CTU2: variants seen among roughly 807,000 people sequenced by gnomAD.
CTU2 encodes cytosolic thiouridylase subunit 2.
In CTU2, 80 loss-of-function variants were observed where a neutral mutation model predicts 64.1. That is an observed-to-expected ratio of 1.25 (90% CI 1.04 to 1.50). The LOEUF (loss-of-function observed/expected upper bound fraction) is 1.50, where lower values mean the gene tolerates loss of function less well. Among genes scored for constraint, CTU2 ranks in the 40% most tolerant of loss-of-function variants. The probability of loss-of-function intolerance (pLI) is 0.00; values close to 1 mark genes in which losing one functional copy is unlikely to be tolerated. For synonymous variants in CTU2, 482 were observed against 285.3 expected (o/e 1.69, Z -6.95); for missense variants, 1,110 against 690.2 (o/e 1.61, Z -6.81).
At position 88,713,808 on chromosome 16, in the gene CTU2, C is replaced by T. The variant is rs199978057; in HGVS notation, c.1005+30C>T. 3.7e-4 allele frequency: 589 copies of T among 1,611,110 alleles called. 1 individual carries two copies. Among genetic ancestry groups the T allele is most frequent in the Non-Finnish European group, 4.8e-4 (561 of 1,179,042 alleles). ...GCCTTGTGGGCTGGGCAACCTCTCT[C>T]ACCATTGACACCGGGGTGGGCCATG... On this transcript the variant is annotated intron_variant, in intron 9 of 14. Coordinates refer to ENST00000453996, the MANE Select transcript of CTU2 (RefSeq NM_001012759.3).
At chr16:88,710,065 G>A in intron 3 of CTU2, 49 bp downstream of exon 3, 1 of 1,595,760 alleles carries the variant, frequency 6.3e-7, no homozygotes, top group Non-Finnish European at 8.6e-7. Context: ...GCCCCTCGAG[G>A]TCCCTGCTTG....
Position 88,714,467 on chromosome 16 carries a change from C to T in CTU2, c.1182C>T (p.Ala394=), listed in dbSNP as rs1245300491. The change falls in exon 11 of 15, where the codon GCC becomes GCT. Residue 394 remains alanine, a synonymous_variant. Coordinates refer to ENST00000453996, the MANE Select transcript of CTU2 (RefSeq NM_001012759.3). ...CCCGCTGCCTCCTCTGCATGTGTGC[C>T]CTGGACGTCGACGCCGCTGGTCTGT... The part of the protein sequence containing the change: ...SGPRCLLCMC[A]LDVDAADSAT... 4 of 1,612,482 alleles carry T rather than the reference C, an allele frequency of 2.5e-6. No homozygotes were observed. The highest frequency in any genetic ancestry group is 3.4e-6 in the Non-Finnish European group (4 of 1,179,870).
intron 2 of CTU2, 135 bp from the exon 3 acceptor site, chr16:88,709,802 TG>T: frequency 1.3e-6 from 1 of 793,672 alleles, no homozygotes; most frequent in Non-Finnish European, 2.1e-6. Context: ...CACCAGTCTC[TG>T]GACAGAGCCT....
intron 4 of CTU2, chr16:88,710,813 G>A (rs369099050): frequency 2.1e-4 from 34 of 161,048 alleles, no homozygotes; most frequent in Admixed American, 1.9e-4. Context: ...GAAGCAAAGG[G>A]AGCAGCGTTT....
At chr16:88,710,157 C>T (rs1911197212) in intron 3 of CTU2, 66 bp from the exon 4 acceptor site, 2 of 1,595,918 alleles carry the variant, frequency 1.3e-6, no homozygotes, top group African/African-American at 1.3e-5. Flanking sequence ...TCCTAGATGT[C>T]CACGAGGTGG....
rs749005582 is a variant in CTU2, at chr16:88,713,670, G to T, written c.897G>T (p.Gly299=). The T allele has an allele frequency of 6.2e-6, 10 of 1,612,438 alleles. No individual in the cohort carries two copies. The East Asian group carries it at 1.8e-4, about 29-fold the overall frequency. Residue 299 remains glycine (G), a synonymous_variant, in exon 9 of 15, where the codon GGG becomes GGT. Coordinates refer to ENST00000453996, the MANE Select transcript of CTU2 (RefSeq NM_001012759.3). ...AGGGCTTCTCGGATGAGCGGCACGGGGACGTGGTGGTGGTGCGGCCCATGC... is the reference window on the plus strand; with the variant it reads ...AGGGCTTCTCGGATGAGCGGCACGGTGACGTGGTGGTGGTGCGGCCCATGC... ...WDTGFSDERH[G]DVVVVRPMRD...
chr16:88,706,945 T>C (rs1482231987), intron 1 of CTU2, 191 bp from the exon 2 acceptor site: 4 of 606,850 alleles, frequency 6.6e-6, no homozygotes, highest in Non-Finnish European at 1.2e-5. Flanking sequence ...TTTTCTAGGC[T>C]AAACATCCCC....
chr16:88,707,291 T>C, intron 2 of CTU2, 81 bp downstream of exon 2: 1 of 1,277,770 alleles, frequency 7.8e-7, no homozygotes, highest in East Asian at 2.3e-5. Flanking sequence ...GATGCTTTGT[T>C]AATTCTTTTT....
chr16:88,712,786 C>G lies in CTU2; in HGVS notation c.618C>G (p.Pro206=). The G allele has an allele frequency of 1.2e-6, 2 of 1,607,982 alleles. No individual in the cohort carries two copies. Among genetic ancestry groups the G allele is most frequent in the Non-Finnish European group, 1.7e-6 (2 of 1,177,854 alleles). The change falls in exon 7 of 15, where the codon CCC becomes CCG. Residue 206 remains proline, a synonymous_variant. Coordinates refer to ENST00000453996, the MANE Select transcript of CTU2 (RefSeq NM_001012759.3). ...AAGGGGAGGAACAGCCACCCCAGCC[C>G]CCGCTGGACCCCCAGAACCTGGCAA... ...PTQGEEQPPQ[P]PLDPQNLARP... is the part of the protein sequence containing the mutation.
Position 88,715,379 on chromosome 16 carries a change from A to ATT in CTU2, c.*128_*129insTT. On this transcript the variant is annotated 3_prime_UTR_variant, in exon 15 of 15. Coordinates refer to ENST00000453996, the MANE Select transcript of CTU2 (RefSeq NM_001012759.3). ...TATAAATAAAACATTTTTTAATTAA[A>ATT]AAAAAAACTCTACAGTACACGTGGG... is the stretch of plus-strand genomic sequence containing the variant. 2 of 1,158,812 alleles carry ATT rather than the reference A, an allele frequency of 1.7e-6. No homozygotes were observed. The highest frequency in any genetic ancestry group is 2.4e-6 in the Non-Finnish European group (2 of 837,458). The allele number at this position is 1,158,812 out of a possible 1,614,324, so 71.8% of individuals were successfully genotyped here.
Position 88,714,557 on chromosome 16 carries a change from C to T in CTU2, c.1202-30C>T, listed in dbSNP as rs377759809. ...AGTGGGTGTGGGGGCTCAGCAGCCC[C>T]AGGCTCCGTCACCCCCTCTCTGCTT... On this transcript the variant is annotated intron_variant, in intron 11 of 14. Transcript: ENST00000453996. 3.5e-4 allele frequency: 558 copies of T among 1,612,620 alleles called. 1 individual carries two copies. The Middle Eastern group carries it at 3.5e-3, about 10-fold the overall frequency.
chr16:88,713,252 G>T, intron 7 of CTU2, 60 bp from the exon 8 acceptor site: 2 of 875,500 alleles, frequency 2.3e-6, no homozygotes, highest in South Asian at 1.7e-5. Context: ...ACTCATACCC[G>T]AGAGCCCCCC....
intron 13 of CTU2, 35 bp from the exon 14 acceptor site, chr16:88,715,013 G>A: frequency 6.3e-7 from 1 of 1,584,522 alleles, no homozygotes; most frequent in South Asian, 1.1e-5. Context: ...GTGCTGGCAG[G>A]TTTCTTGGCC....
In CTU2 at chr16:88,714,708, C is replaced by T; in HGVS notation, c.1323C>T (p.Ala441=). 1.9e-6 allele frequency: 3 copies of T among 1,610,150 alleles called. No individual in the cohort carries two copies. The highest frequency in any genetic ancestry group is 1.7e-6 in the Non-Finnish European group (2 of 1,178,686). Residue 441 remains alanine, a synonymous_variant, in exon 12 of 15, where the codon GCC becomes GCT. Transcript: ENST00000453996. ...GCTGTTCTCCAGGGGTGGGCTGGGCCCAGCGCTGTGGCCAGGGGGCCTGCA... is the reference window on the plus strand; with the variant it reads ...GCTGTTCTCCAGGGGTGGGCTGGGCTCAGCGCTGTGGCCAGGGGGCCTGCA... ...GPCCSPGVGW[A]QRCGQGACRR...
rs1328495238 is a variant in CTU2 at position 88,713,436 on chromosome 16, G to T, written c.862G>T (p.Ala288Ser). 6.3e-7 allele frequency: 1 copy of T among 1,582,376 alleles called. No homozygotes were observed. The highest frequency in any genetic ancestry group is 8.5e-7 in the Non-Finnish European group (1 of 1,170,226). The part of the protein sequence containing the change: ...NLALGRGAFL[A>S]WDTGFSDERH... ...GGCGCTGGGTCGAGGGGCCTTCCTG[G>T]CCTGGGATACGGTAGGCAGGGGCCT... The change falls in exon 8 of 15, where the codon GCC (alanine) becomes TCC (serine). Residue 288 changes from alanine (A) to serine (S), a missense_variant. Transcript: ENST00000453996.
chr16:88,713,579 C>G (rs1034784485), intron 8 of CTU2, 68 bp from the exon 9 acceptor site: 40 of 1,577,284 alleles, frequency 2.5e-5, no homozygotes, highest in African/African-American at 1.6e-4. Flanking sequence ...CCTCCCCTAC[C>G]TGGCAGGGGA....
intron 2 of CTU2, chr16:88,709,452 C>G (rs547912057): frequency 6.4e-6 from 1 of 156,744 alleles, no homozygotes; most frequent in Non-Finnish European, 1.4e-5. Flanking sequence ...TGGCCCACCC[C>G]ATTTCCGCAC....
chr16:88,708,259 A>G (rs1273149126), intron 2 of CTU2, among the ~76,000 whole-genome samples: 3 of 152,176 alleles, frequency 2.0e-5, no homozygotes, highest in Non-Finnish European at 4.4e-5. Context: ...TGCTGGTCCC[A>G]AGGAACAGTG....
rs1337283311 is a variant in CTU2 at position 88,715,079 on chromosome 16, T to C, written c.1451T>C (p.Leu484Pro). The stretch of plus-strand genomic sequence containing the variant: ...CTGGACCCCCTGCCGCCGTACATCC[T>C]GGCTGAGGCCCAGCTCCGCACACAG... ...PSLDPLPPYI[L>P]AEAQLRTQRA... The change falls in exon 14 of 15, where the codon CTG becomes CCG. Residue 484 changes from leucine to proline, a missense_variant. Physicochemically the swap from Leu to Pro is moderately conservative, Grantham distance 98. Coordinates refer to ENST00000453996, the MANE Select transcript of CTU2 (RefSeq NM_001012759.3). 1.3e-6 allele frequency: 2 copies of C among 1,576,248 alleles called. No homozygotes were observed. Among genetic ancestry groups the C allele is most frequent in the Non-Finnish European group, 1.7e-6 (2 of 1,159,602 alleles).
Sources: gnomAD v4.1 joint callset for allele counts (sites outside exome capture counted in the v4.1 genomes callset) on GRCh38, gnomAD v4.1.1 for gene constraint, MANE v1.5 for transcripts, NCBI Gene and HGNC (gene_info 2026-07-23, HGNC 2026-07-21) for gene names.